The following SCFD2 variants were observed in gnomAD, a reference collection of about 807,000 sequenced individuals.
The protein encoded by SCFD2 is sec1 family domain containing 2, also known as sec1 family domain-containing protein 2.
SCFD2 carries 54 observed loss-of-function variants against 58.9 expected under a neutral mutation model. The ratio of observed to expected loss-of-function variants is 0.92; its 90% CI spans 0.74 to 1.15. SCFD2 has a LOEUF of 1.15. Ranked by LOEUF, SCFD2 falls within the 50% of genes most tolerant of loss-of-function variation. The probability of loss-of-function intolerance (pLI) is 0.00; values close to 1 mark genes in which losing one functional copy is unlikely to be tolerated. For synonymous variants in SCFD2, 321 were observed against 335.9 expected (o/e 0.96, Z 0.49); for missense variants, 805 against 836.6 (o/e 0.96, Z 0.47).
intron 5 of SCFD2, chr4:52,948,817 C>T (rs1417837264): frequency 4.1e-6 from 1 of 244,742 alleles, no homozygotes; most frequent in African/African-American, 2.3e-5. Context: ...TTTTCTGCAT[C>T]TATTTCCAGG....
chr4:53,342,025 G>A (rs1455745605), intron 2 of SCFD2, among the ~76,000 whole-genome samples: 5 of 152,096 alleles, frequency 3.3e-5, no homozygotes, highest in Non-Finnish European at 4.4e-5. Context: ...AAAGACCATC[G>A]ACACTATGAA....
chr4:53,254,682 T>C (rs1402139055), intron 4 of SCFD2, among the ~76,000 whole-genome samples: 2 of 151,614 alleles, frequency 1.3e-5, no homozygotes, highest in African/African-American at 2.4e-5. Context: ...TCTCTTATTC[T>C]GAGATGAAGG....
At chr4:53,041,515 C>T (rs1366383509) in intron 5 of SCFD2, among the ~76,000 whole-genome samples, 3 of 152,054 alleles carry the variant, frequency 2.0e-5, no homozygotes, top group Non-Finnish European at 4.4e-5. Context: ...ATGAGATGTC[C>T]AATGAGAGTA....
intron 2 of SCFD2, among the ~76,000 whole-genome samples, chr4:53,331,294 T>G (rs1577975106): frequency 6.6e-6 from 1 of 151,112 alleles, no homozygotes. Flanking sequence ...AGAATATACA[T>G]TTTTTTCAGC....
At chr4:53,141,443 C>G (rs1230052904) in intron 5 of SCFD2, among the ~76,000 whole-genome samples, 1 of 151,914 alleles carries the variant, frequency 6.6e-6, no homozygotes, top group Non-Finnish European at 1.5e-5. Context: ...ATGGCTGAGA[C>G]AGGAAAAAAA....
intron 2 of SCFD2, 29 bp from the exon 3 acceptor site, chr4:53,313,792 G>C: frequency 6.2e-7 from 1 of 1,612,098 alleles, no homozygotes; most frequent in Non-Finnish European, 8.5e-7. Flanking sequence ...AAGAGCTTTA[G>C]AATAAATTTC....
chr4:53,258,505 T>C (rs1036962263), intron 4 of SCFD2, among the ~76,000 whole-genome samples: 1 of 148,628 alleles, frequency 6.7e-6, no homozygotes, highest in Admixed American at 6.7e-5. Flanking sequence ...TTTTGTTTCT[T>C]TTTATGGCTA....
chr4:52,895,573 G>C (rs1019635130), intron 7 of SCFD2, among the ~76,000 whole-genome samples: 2 of 152,122 alleles, frequency 1.3e-5, no homozygotes. Context: ...GTCTATCATT[G>C]TTGGACATTT....
chr4:53,014,858 G>A (rs546043930), intron 5 of SCFD2, among the ~76,000 whole-genome samples: 2 of 152,146 alleles, frequency 1.3e-5, no homozygotes, highest in Non-Finnish European at 2.9e-5. Flanking sequence ...TGGTACAGAC[G>A]GTAAGGGGAC....
Position 53,212,602 on chromosome 4 carries a change from G to GTGTGTGTGTGTGTGTGTGTT in SCFD2, c.1311+61223_1311+61224insAACACACACACACACACACA, listed in dbSNP as rs57906429. Among the ~76,000 whole-genome samples the GTGTGTGTGTGTGTGTGTGTT allele has an allele frequency of 7.9e-3, 1,182 of 150,476 alleles. 21 individuals carry two copies. Among genetic ancestry groups the GTGTGTGTGTGTGTGTGTGTT allele is most frequent in the African/African-American group, 0.017 (706 of 40,582 alleles). On this transcript the variant is annotated intron_variant, in intron 4 of 8. Coordinates refer to ENST00000401642, the MANE Select transcript of SCFD2 (RefSeq NM_152540.4). The stretch of plus-strand genomic sequence containing the variant: ...TGTGTGTGTGTGTGTGTGTGTGTGT[G>GTGTGTGTGTGTGTGTGTGTT]TGTGTGCATGTGGTGTCTGTGTGTG...
intron 4 of SCFD2, among the ~76,000 whole-genome samples, chr4:53,252,980 A>G (rs975275222): frequency 1.7e-4 from 26 of 152,212 alleles, no homozygotes; most frequent in Admixed American, 1.4e-3. Context: ...AATTTTTGCA[A>G]CCTACTCATC....
intron 4 of SCFD2, among the ~76,000 whole-genome samples, chr4:53,162,716 G>A (rs1280373346): frequency 6.6e-6 from 1 of 151,818 alleles, no homozygotes; most frequent in Non-Finnish European, 1.5e-5. Context: ...GGGGGAGTGG[G>A]GAGGGATAGC....
intron 6 of SCFD2, among the ~76,000 whole-genome samples, chr4:52,920,433 A>T (rs1719706728): frequency 6.6e-6 from 1 of 152,182 alleles, no homozygotes; most frequent in African/African-American, 2.4e-5. Flanking sequence ...CCCAGAGGAG[A>T]GAAGGGACTT....
chr4:52,920,956 G>A (rs1376428494), intron 5 of SCFD2, 86 bp from the exon 6 acceptor site: 1 of 702,332 alleles, frequency 1.4e-6, no homozygotes, highest in Non-Finnish European at 2.2e-6. Context: ...ATGTAGTTGG[G>A]AGGTTTTTTT....
chr4:53,061,645 G>C (rs1466833236), intron 5 of SCFD2, among the ~76,000 whole-genome samples: 5 of 152,098 alleles, frequency 3.3e-5, no homozygotes, highest in African/African-American at 7.2e-5. Context: ...AGTTCCTTTA[G>C]GGTAGAGTTC....
chr4:52,966,503 A>G (rs1720965843), intron 5 of SCFD2, among the ~76,000 whole-genome samples: 1 of 152,144 alleles, frequency 6.6e-6, no homozygotes, highest in South Asian at 2.1e-4. Context: ...GCTCATAACA[A>G]TCTCTCCCCA....
chr4:52,941,412 G>A (rs899738294), intron 5 of SCFD2, among the ~76,000 whole-genome samples: 2 of 152,196 alleles, frequency 1.3e-5, no homozygotes, highest in African/African-American at 4.8e-5. Context: ...GCTTCTTTTG[G>A]TGGGTCTTTC....
At chr4:53,087,507 A>G (rs2148863595) in intron 5 of SCFD2, among the ~76,000 whole-genome samples, 1 of 151,610 alleles carries the variant, frequency 6.6e-6, no homozygotes, top group African/African-American at 2.4e-5. Flanking sequence ...CTAATTTTGT[A>G]TTTTTAGTAG....
In SCFD2 at chr4:53,255,500, C is replaced by T. The variant is rs202019184; in HGVS notation, c.1311+18326G>A. Among the ~76,000 whole-genome samples, 27 of 152,174 alleles carry T rather than the reference C, an allele frequency of 1.8e-4. No homozygotes were observed. In the East Asian group the frequency reaches 5.2e-3, roughly 29 times the overall value. On this transcript the variant is annotated intron_variant, in intron 4 of 8. Transcript: ENST00000401642. Reference sequence around the variant, plus strand: ...TCCATTTAACCCTGAGTGGACACAGCACATGTTTCAGAGAGCACAGGGTTG... The same window carrying T: ...TCCATTTAACCCTGAGTGGACACAGTACATGTTTCAGAGAGCACAGGGTTG...
Sources: allele counts gnomAD v4.1 joint callset (sites outside exome capture counted in the v4.1 genomes callset), GRCh38; gene constraint gnomAD v4.1.1; transcripts MANE v1.5; gene names NCBI Gene and HGNC (gene_info 2026-07-23, HGNC 2026-07-21).